Variants in EVC observed in about 807,000 individuals in gnomAD.
EVC encodes the protein evC complex member EVC.
EVC carries 116 observed loss-of-function variants against 118.9 expected under a neutral mutation model. The observed-to-expected ratio is 0.98, with a 90% CI of 0.84 to 1.14. EVC has a LOEUF of 1.14. Ranked by LOEUF, EVC falls within the 50% of genes most tolerant of loss-of-function variation. The probability of loss-of-function intolerance (pLI) is 0.00; values close to 1 mark genes in which losing one functional copy is unlikely to be tolerated. For missense variants in EVC, 1,401 were observed against 1,246.4 expected, an observed-to-expected ratio of 1.12 and a Z score of -1.87; for synonymous variants, 619 against 534.7, an observed-to-expected ratio of 1.16 and a Z score of -2.18.
chr4:5,783,488 C>A, intron 11 of EVC, 64 bp from the exon 12 acceptor site: 1 of 1,497,730 alleles, frequency 6.7e-7, no homozygotes, highest in Non-Finnish European at 9.3e-7. Context: ...AGGCAGAGAG[C>A]AGCTCAGGCC....
intron 1 of EVC, among the ~76,000 whole-genome samples, chr4:5,711,873 C>T (rs990143873): frequency 2.0e-5 from 3 of 152,220 alleles, no homozygotes; most frequent in Non-Finnish European, 4.4e-5. Context: ...CCCTGCTCGC[C>T]ATGGTGGACA....
chr4:5,732,995 G>A (rs1727081749), intron 4 of EVC, among the ~76,000 whole-genome samples: 1 of 152,196 alleles, frequency 6.6e-6, no homozygotes, highest in Non-Finnish European at 1.5e-5. Flanking sequence ...GGGAGACAGA[G>A]CAAAACCCTA....
chr4:5,819,242 C>G (rs149310835), downstream of EVC, among the ~76,000 whole-genome samples: 1 of 152,294 alleles, frequency 6.6e-6, no homozygotes, highest in East Asian at 1.9e-4. Context: ...CCGTCCCTGC[C>G]AACAAGATGA....
the EVC span, chr4:5,821,166 GCTTCC>G: frequency 3.3e-5 from 5 of 152,778 alleles, no homozygotes; most frequent in Non-Finnish European, 5.8e-5. This position sits in a 1 kb window ranked among gnomAD's most constrained non-coding sequence, Gnocchi z 4.4. Flanking sequence ...CTAGTGCAAG[GCTTCC>G]CCTGCCATTC....
In EVC at chr4:5,733,385, T is replaced by C; in HGVS notation, c.652T>C (p.Leu218=). 6.2e-7 allele frequency: 1 copy of C among 1,614,144 alleles called. No individual in the cohort carries two copies. Among genetic ancestry groups the C allele is most frequent in the Non-Finnish European group, 8.5e-7 (1 of 1,179,988 alleles). Reference sequence around the variant, plus strand: ...TGACCTGTGTATCTACAGCCTTCACTTAAAAGACCTGCTGCATTTGGACAC... The same window carrying C: ...TGACCTGTGTATCTACAGCCTTCACCTAAAAGACCTGCTGCATTTGGACAC... ...DVDLCIYSLH[L]KDLLHLDTAL... Residue 218 remains leucine, a synonymous_variant, in exon 5 of 21, where the codon TTA becomes CTA. Coordinates refer to ENST00000264956, the MANE Select transcript of EVC (RefSeq NM_153717.3).
rs564889340 is a variant in EVC, at chr4:5,772,008, C to A, written c.1564-11544C>A. On this transcript the variant is annotated intron_variant, in intron 11 of 20. Coordinates refer to ENST00000264956, the MANE Select transcript of EVC (RefSeq NM_153717.3). ...CATCTCCCAGGTTCACGCCATTCTC[C>A]TGTCTCAGCCTCCCGGGTAGCTGGG... Among the ~76,000 whole-genome samples, 6 of 152,168 alleles carry A rather than the reference C, an allele frequency of 3.9e-5. No homozygotes were observed. The East Asian group carries it at 1.2e-3, about 29-fold the overall frequency.
At chr4:5,772,957 A>T (rs1342481964) in intron 11 of EVC, among the ~76,000 whole-genome samples, 1 of 152,044 alleles carries the variant, frequency 6.6e-6, no homozygotes, top group East Asian at 1.9e-4. Context: ...AGACCTGTCT[A>T]ACTTAGGACT....
At chr4:5,783,471 G>A in intron 11 of EVC, 81 bp from the exon 12 acceptor site, 1 of 1,352,520 alleles carries the variant, frequency 7.4e-7, no homozygotes, top group Non-Finnish European at 1.1e-6. Flanking sequence ...GGAGGCTTGT[G>A]GAGGAGAGGC....
the EVC span, chr4:5,824,480 C>T: frequency 7.1e-6 from 7 of 985,136 alleles, no homozygotes; most frequent in Non-Finnish European, 8.4e-6. Flanking sequence ...ATTCACACGT[C>T]ATCCTCTCTC....
At position 5,749,191 on chromosome 4, in the gene EVC, C is replaced by A. The variant is rs1232852190; in HGVS notation, c.1098+885C>A. Among the ~76,000 whole-genome samples the A allele has an allele frequency of 6.6e-6, 1 of 152,082 alleles. No homozygotes were observed. Among genetic ancestry groups the A allele is most frequent in the East Asian group, 1.9e-4 (1 of 5,172 alleles). On this transcript the variant is annotated intron_variant, in intron 8 of 20. Coordinates refer to ENST00000264956, the MANE Select transcript of EVC (RefSeq NM_153717.3). The surrounding 1 kb of genome is among the most constrained non-coding windows in gnomAD (Gnocchi z 4.4). The stretch of plus-strand genomic sequence containing the variant: ...GGCCCTGGCATTGTGGGTTTTAAAA[C>A]TCCCTGAACTATTCTGACGGGAGGC...
chr4:5,752,093 G>C lies in EVC; in HGVS notation c.1099-743G>C, dbSNP rs1027032512. 2.0e-5 allele frequency among the ~76,000 whole-genome samples: 3 copies of C among 152,070 alleles called. No homozygotes were observed. In the East Asian group the frequency reaches 5.8e-4, roughly 30 times the overall value. On this transcript the variant is annotated intron_variant, in intron 8 of 20. Transcript: ENST00000264956. Reference sequence around the variant, plus strand: ...GGGAGCAGGACTGGCCTGTGGCCTCGGCCCAGCACAGAGGTGCCTAGGCCT... The same window carrying C: ...GGGAGCAGGACTGGCCTGTGGCCTCCGCCCAGCACAGAGGTGCCTAGGCCT...
intron 11 of EVC, among the ~76,000 whole-genome samples, chr4:5,770,514 C>T (rs188856683): frequency 6.6e-6 from 1 of 152,214 alleles, no homozygotes; most frequent in East Asian, 1.9e-4. Flanking sequence ...CAGCTGGGGC[C>T]TAGGAGTCAG....
At chr4:5,766,520 C>T (rs1326146820) in intron 11 of EVC, among the ~76,000 whole-genome samples, 1 of 123,594 alleles carries the variant, frequency 8.1e-6, no homozygotes, top group East Asian at 2.3e-4. Context: ...GTTCCATTCT[C>T]CCCATCACTT....
At chr4:5,801,836 G>T in intron 15 of EVC, 114 bp from the exon 16 acceptor site, 1 of 1,168,718 alleles carries the variant, frequency 8.6e-7, no homozygotes, top group South Asian at 1.3e-5. Flanking sequence ...AATCCAGGTT[G>T]GTGAGTAGGT....
chr4:5,747,494 C>T (rs1729544839), intron 7 of EVC, among the ~76,000 whole-genome samples: 1 of 152,180 alleles, frequency 6.6e-6, no homozygotes, highest in Non-Finnish European at 1.5e-5. Context: ...GTGTGAAGCA[C>T]AGAGCCTGGC....
intron 17 of EVC, among the ~76,000 whole-genome samples, chr4:5,806,809 G>A (rs771699238): frequency 6.6e-6 from 1 of 152,182 alleles, no homozygotes; most frequent in Non-Finnish European, 1.5e-5. Context: ...CACCAATGGT[G>A]CATAAGTGTT....
In EVC at chr4:5,809,581, A is replaced by T. The variant is rs780968816; in HGVS notation, c.2752A>T (p.Lys918Ter). The change falls in exon 19 of 21, where the codon AAA becomes TAA. Residue 918 changes from lysine to a stop codon, truncating the protein, a stop_gained. Transcript: ENST00000264956. LOFTEE classifies it high-confidence loss of function. ...GGCCCGAGTGCCCCTTGCTGAAAGC[A>T]AACTGTTGCCTGCTAAGCGTGGGCT... ...ALARVPLAES[K>*]LLPAKRGLLE... 2 of 1,614,204 alleles carry T rather than the reference A, an allele frequency of 1.2e-6. No homozygotes were observed. Among genetic ancestry groups the T allele is most frequent in the Non-Finnish European group, 1.7e-6 (2 of 1,180,052 alleles).
Position 5,737,533 on chromosome 4 carries a change from T to C in EVC, c.702+4098T>C, listed in dbSNP as rs964334439. 6.6e-6 allele frequency among the ~76,000 whole-genome samples: 1 copy of C among 152,214 alleles called. No homozygotes were observed. Among genetic ancestry groups the C allele is most frequent in the Non-Finnish European group, 1.5e-5 (1 of 68,030 alleles). ...AGCTTCAAAGAACAGGCTGACTCTC[T>C]CGCTAGGGGCTAATGCGGGAGATGA... On this transcript the variant is annotated intron_variant, in intron 5 of 20. Coordinates refer to ENST00000264956, the MANE Select transcript of EVC (RefSeq NM_153717.3). This position sits in a 1 kb window ranked among gnomAD's most constrained non-coding sequence, Gnocchi z 5.0.
Position 5,753,920 on chromosome 4 carries a change from A to G in EVC, c.1451A>G (p.Glu484Gly). The G allele has an allele frequency of 6.2e-7, 1 of 1,613,278 alleles. No homozygotes were observed. The highest frequency in any genetic ancestry group is 8.5e-7 in the Non-Finnish European group (1 of 1,180,034). ...GAGGCCCAGCCGACTGCTGACCCGGAAAAGTTTCTCGAGGTGACTCACATC... is the reference window on the plus strand; with the variant it reads ...GAGGCCCAGCCGACTGCTGACCCGGGAAAGTTTCTCGAGGTGACTCACATC... ...LAEAQPTADP[E>G]KFLEAFHEVL... Residue 484 changes from glutamate to glycine, a missense_variant, in exon 10 of 21, where the codon GAA becomes GGA. Physicochemically the swap from Glu to Gly is moderately conservative, Grantham distance 98. Transcript: ENST00000264956.
Sources: gnomAD v4.1 joint callset for allele counts (sites outside exome capture counted in the v4.1 genomes callset) on GRCh38, gnomAD v4.1.1 for gene constraint, Gnocchi (gnomAD v3.1) non-coding constraint, MANE v1.5 for transcripts, NCBI Gene and HGNC (gene_info 2026-07-23, HGNC 2026-07-21) for gene names.